Variants in MAGI3 observed in about 807,000 individuals in gnomAD.
MAGI3 encodes the protein membrane associated guanylate kinase, WW and PDZ domain containing 3, also known as membrane-associated guanylate kinase, WW and PDZ domain-containing protein 3.
In MAGI3, 43 loss-of-function variants were observed where a neutral mutation model predicts 121.8. The observed-to-expected ratio is 0.35, with a 90% CI of 0.28 to 0.46. MAGI3 has a LOEUF of 0.46. Ranked by LOEUF, MAGI3 falls within the 20% of genes least tolerant of loss-of-function variation. MAGI3 has a pLI of 1.00. For missense variants in MAGI3, 1,547 were observed against 1,797.3 expected (o/e 0.86, Z 2.52); for synonymous variants, 553 against 639.3 (o/e 0.86, Z 2.04).
chr1:113,651,150 C>G lies in MAGI3; in HGVS notation c.2384C>G (p.Thr795Ser), dbSNP rs772401973. ...SHKQVLDLMT[T>S]AARNGHVLLT... ...AAACAAGTCTTGGACCTCATGACAA[C>G]TGCTGCTCGAAATGGCCATGTGTTA... Residue 795 changes from threonine (T) to serine (S), a missense_variant, in exon 14 of 21, where the codon ACT becomes AGT. Coordinates refer to ENST00000307546, the MANE Select transcript of MAGI3 (RefSeq NM_001142782.2). The G allele has an allele frequency of 6.2e-7, 1 of 1,614,042 alleles. No individual in the cohort carries two copies. Among genetic ancestry groups the G allele is most frequent in the Non-Finnish European group, 8.5e-7 (1 of 1,180,016 alleles).
intron 1 of MAGI3, among the ~76,000 whole-genome samples, chr1:113,479,426 T>C (rs545374449): frequency 6.6e-6 from 1 of 152,336 alleles, no homozygotes; most frequent in South Asian, 2.1e-4. Context: ...ATATGTCATC[T>C]CATTCTCTCC....
At chr1:113,551,154 C>G (rs534445112) in intron 2 of MAGI3, among the ~76,000 whole-genome samples, 2 of 152,114 alleles carry the variant, frequency 1.3e-5, no homozygotes, top group Non-Finnish European at 2.9e-5. Flanking sequence ...ACTTAATGTT[C>G]CTGATCCTCA....
chr1:113,555,654 AATT>A (rs1659959512), intron 2 of MAGI3, among the ~76,000 whole-genome samples: 1 of 152,152 alleles, frequency 6.6e-6, no homozygotes, highest in African/African-American at 2.4e-5. Context: ...TTAAATTAGA[AATT>A]ATTAACGATG....
chr1:113,656,713 A>G (rs1146183), intron 15 of MAGI3, among the ~76,000 whole-genome samples: 61,846 of 151,964 alleles, frequency 0.41, 15,148 homozygotes, highest in African/African-American at 0.68. Context: ...CACCGTGCCC[A>G]GCCAGATCAT....
chr1:113,635,281 G>A (rs1387223107), intron 9 of MAGI3, among the ~76,000 whole-genome samples: 1 of 152,190 alleles, frequency 6.6e-6, no homozygotes, highest in Non-Finnish European at 1.5e-5. Flanking sequence ...GGAGTGGTGA[G>A]AGAGGGCATC....
intron 6 of MAGI3, among the ~76,000 whole-genome samples, chr1:113,613,123 G>A (rs952738279): frequency 6.6e-5 from 10 of 152,112 alleles, no homozygotes; most frequent in Non-Finnish European, 1.3e-4. Flanking sequence ...GTTGTTTGGC[G>A]ATAAAATATT....
At chr1:113,546,289 G>A (rs1290155342) in intron 1 of MAGI3, among the ~76,000 whole-genome samples, 1 of 152,078 alleles carries the variant, frequency 6.6e-6, no homozygotes, top group Non-Finnish European at 1.5e-5. Flanking sequence ...AAAAAAGTGT[G>A]ATAACTTTTT....
intron 2 of MAGI3, among the ~76,000 whole-genome samples, chr1:113,557,002 A>G (rs1382409888): frequency 6.6e-6 from 1 of 152,244 alleles, no homozygotes; most frequent in Non-Finnish European, 1.5e-5. Context: ...TCTATCTATT[A>G]AAGAAATTGA....
intron 1 of MAGI3, among the ~76,000 whole-genome samples, chr1:113,396,107 T>G (rs753207786): frequency 6.6e-6 from 1 of 152,172 alleles, no homozygotes; most frequent in African/African-American, 2.4e-5. Flanking sequence ...GTCTGACTTA[T>G]GAAGTCAGTG....
At chr1:113,497,178 T>G (rs7552618) in intron 1 of MAGI3, among the ~76,000 whole-genome samples, 119,493 of 151,320 alleles carry the variant, frequency 0.79, 47,689 homozygotes, top group African/African-American at 0.91. Flanking sequence ...GATCACTTGA[T>G]CCCAGGAGGT....
Position 113,461,845 on chromosome 1 carries a change from A to G in MAGI3, c.316+70496A>G, listed in dbSNP as rs572778386. 7.9e-5 allele frequency among the ~76,000 whole-genome samples: 12 copies of G among 152,382 alleles called. No homozygotes were observed. In the East Asian group the frequency reaches 1.9e-3, roughly 24 times the overall value. ...TGCATCTGACAAAGGTCTAATATTC[A>G]GCATCTATAAAGAACTTAAGTAAAT... is the stretch of plus-strand genomic sequence containing the variant. On this transcript the variant is annotated intron_variant, in intron 1 of 20. Coordinates refer to ENST00000307546, the MANE Select transcript of MAGI3 (RefSeq NM_001142782.2).
At chr1:113,495,939 A>G (rs1656899120) in intron 1 of MAGI3, among the ~76,000 whole-genome samples, 1 of 152,332 alleles carries the variant, frequency 6.6e-6, no homozygotes, top group East Asian at 1.9e-4. Context: ...GCTATGATTG[A>G]TAACAGGTTT....
intron 13 of MAGI3, 110 bp downstream of exon 13, chr1:113,649,438 A>T (rs1570998749): frequency 3.1e-6 from 2 of 640,882 alleles, no homozygotes; most frequent in East Asian, 5.6e-5. Flanking sequence ...AGTTTCATTA[A>T]TATGAAGAAT....
In MAGI3 at chr1:113,585,491, A is replaced by C. The variant is rs774767085; in HGVS notation, c.658A>C (p.Arg220=). ...TAATGAGTTTGATGCAGAATCTCAA[A>C]GAAAACGAACGACATCTGTCAGCAA... ...FDNEFDAESQ[R]KRTTSVSKME... The change falls in exon 4 of 21, where the codon AGA becomes CGA. Residue 220 remains arginine (R), a synonymous_variant. Coordinates refer to ENST00000307546, the MANE Select transcript of MAGI3 (RefSeq NM_001142782.2). 6.2e-7 allele frequency: 1 copy of C among 1,614,160 alleles called. No homozygotes were observed. Among genetic ancestry groups the C allele is most frequent in the Non-Finnish European group, 8.5e-7 (1 of 1,180,010 alleles).
At chr1:113,408,940 T>G (rs1651827544) in intron 1 of MAGI3, among the ~76,000 whole-genome samples, 1 of 152,122 alleles carries the variant, frequency 6.6e-6, no homozygotes, top group Non-Finnish European at 1.5e-5. Flanking sequence ...TGCCATATAT[T>G]ATTATTAATT....
chr1:113,548,782 G>A (rs184376933), intron 1 of MAGI3, among the ~76,000 whole-genome samples: 63 of 152,350 alleles, frequency 4.1e-4, no homozygotes, highest in South Asian at 2.5e-3. Flanking sequence ...GCAGGAAGGA[G>A]ACAAGAATGA....
chr1:113,416,383 A>AAT (rs1352314913), intron 1 of MAGI3, among the ~76,000 whole-genome samples: 2 of 83,950 alleles, frequency 2.4e-5, no homozygotes, highest in Non-Finnish European at 4.7e-5. Flanking sequence ...ATATATTAAT[A>AAT]ATATATATTA....
intron 1 of MAGI3, among the ~76,000 whole-genome samples, chr1:113,545,661 C>T (rs890839194): frequency 6.6e-6 from 1 of 152,014 alleles, no homozygotes; most frequent in Non-Finnish European, 1.5e-5. Context: ...AACTTGAGTT[C>T]CTGGATTTAT....
At chr1:113,618,344 AAAAT>A (rs1255849018) in intron 7 of MAGI3, among the ~76,000 whole-genome samples, 2 of 152,122 alleles carry the variant, frequency 1.3e-5, no homozygotes, top group Non-Finnish European at 2.9e-5. Flanking sequence ...CTCCAAAAAA[AAAAT>A]AAATAAAGAA....
Sources: allele counts gnomAD v4.1 joint callset (sites outside exome capture counted in the v4.1 genomes callset), GRCh38; gene constraint gnomAD v4.1.1; transcripts MANE v1.5; gene names NCBI Gene and HGNC (gene_info 2026-07-23, HGNC 2026-07-21).